ATRX: variants seen among roughly 807,000 people sequenced by gnomAD.
The protein encoded by ATRX is chromatin remodeler ATRX.
In ATRX, 12 loss-of-function variants were observed where a neutral mutation model predicts 172.6. The observed-to-expected ratio is 0.07, with a 90% confidence interval of 0.04 to 0.11. The LOEUF is 0.11. Among genes scored for constraint, ATRX ranks in the 10% least tolerant of loss-of-function variants. The pLI is 1.00. For synonymous variants in ATRX, 674 were observed against 594.7 expected, an observed-to-expected ratio of 1.13 and a Z score of -1.94; for missense variants, 1,368 against 1,767.4, an observed-to-expected ratio of 0.77 and a Z score of 4.05.
At chrX:77,658,881 T>C (rs1158150442) in intron 12 of ATRX, among the ~76,000 whole-genome samples, 3 of 111,967 alleles carry the variant, frequency 2.7e-5, no homozygotes, top group South Asian at 7.3e-4. Flanking sequence ...GCACTATTTG[T>C]GTAACATTTC....
At chrX:77,647,977 T>G (rs1603059336) in intron 15 of ATRX, among the ~76,000 whole-genome samples, 1 of 111,967 alleles carries the variant, frequency 8.9e-6, no homozygotes, top group East Asian at 2.8e-4. Context: ...AAGATGATGA[T>G]GTCGTTACCA....
At position 77,733,886 on chromosome X, in the gene ATRX, AAAAATAAAT is replaced by A. The variant is rs782678916; in HGVS notation, c.21-16652_21-16644del. On this transcript the variant is annotated intron_variant, in intron 1 of 34. Transcript: ENST00000373344. ...GCAACACAGTGAGACTCACTCTCAGAAAAATAAATAAAATAAATAAAATAAAAGGTGCTG... is the reference window on the plus strand; with the variant it reads ...GCAACACAGTGAGACTCACTCTCAGAAAAATAAATAAAATAAAAGGTGCTG... Among the ~76,000 whole-genome samples the A allele has an allele frequency of 1.8e-3, 187 of 105,270 alleles. 1 individual carries two copies. The highest frequency in any genetic ancestry group is 2.4e-3 in the Non-Finnish European group (123 of 51,414). 91.4% of individuals were successfully genotyped at this position (105,270 alleles called of 115,157 possible).
At chrX:77,616,445 C>T in intron 22 of ATRX, 168 bp downstream of exon 22, 1 of 1,138,362 alleles carries the variant, frequency 8.8e-7, no homozygotes. Flanking sequence ...TTAATTTTGA[C>T]AGCATCAGTG....
chrX:77,641,846 G>A (rs113304042), intron 15 of ATRX, among the ~76,000 whole-genome samples: 5 of 110,671 alleles, frequency 4.5e-5, no homozygotes, highest in Non-Finnish European at 9.5e-5. Context: ...TAATATATAA[G>A]TCCCAAAGAA....
At chrX:77,578,193 C>T (rs1415526070) in intron 27 of ATRX, among the ~76,000 whole-genome samples, 1 of 111,633 alleles carries the variant, frequency 9.0e-6, no homozygotes, top group Admixed American at 9.5e-5. Flanking sequence ...CTAAAGTGCA[C>T]TGGGGCCCTA....
chrX:77,720,224 G>A (rs1557168085), intron 1 of ATRX, among the ~76,000 whole-genome samples: 2 of 111,896 alleles, frequency 1.8e-5, no homozygotes, highest in African/African-American at 6.5e-5. Context: ...ACAAGAGAAA[G>A]CAGGAAATAT....
At chrX:77,678,740 T>C (rs1472118483) in intron 9 of ATRX, among the ~76,000 whole-genome samples, 1 of 110,860 alleles carries the variant, frequency 9.0e-6, no homozygotes, top group African/African-American at 3.3e-5. Flanking sequence ...CCACCCACCT[T>C]GGCCTCCCAA....
chrX:77,510,979 G>C (rs1483930659), intron 34 of ATRX, among the ~76,000 whole-genome samples: 1 of 112,754 alleles, frequency 8.9e-6, no homozygotes, highest in African/African-American at 3.2e-5. Context: ...TGTGGATCTT[G>C]GGTGAGACCC....
Position 77,539,261 on chromosome X carries a change from T to C in ATRX, c.6700-15860A>G, listed in dbSNP as rs782715768. Among the ~76,000 whole-genome samples, 4 of 111,291 alleles carry C rather than the reference T, an allele frequency of 3.6e-5. No homozygotes were observed. In the East Asian group the frequency reaches 8.4e-4, roughly 23 times the overall value. On this transcript the variant is annotated intron_variant, in intron 30 of 34. Coordinates refer to ENST00000373344, the MANE Select transcript of ATRX (RefSeq NM_000489.6). Reference sequence around the variant, plus strand: ...TAATATCATCTATAGCTCAGAGCTATTGTAAGGAGTAAATGAGACAATGTA... The same window carrying C: ...TAATATCATCTATAGCTCAGAGCTACTGTAAGGAGTAAATGAGACAATGTA...
intron 1 of ATRX, among the ~76,000 whole-genome samples, chrX:77,755,361 A>G (rs1039521203): frequency 1.8e-5 from 2 of 111,911 alleles, no homozygotes; most frequent in African/African-American, 6.5e-5. Context: ...TTCTCCGTCC[A>G]GTTTTGCGGC....
In ATRX at chrX:77,696,494, C is replaced by A. The variant is rs2072192974; in HGVS notation, c.370+83G>T. 4.8e-6 allele frequency: 5 copies of A among 1,033,353 alleles called. No individual in the cohort carries two copies. In the Middle Eastern group the frequency reaches 1.1e-3, roughly 223 times the overall value. The allele number at this position is 1,033,353 out of a possible 1,213,427, so 85.2% of individuals were successfully genotyped here. ...TGTTTGGTCGTTTGTACATAGTTAA[C>A]AGTAATCAAGTTCCAATTTTATAAA... On this transcript the variant is annotated intron_variant, in intron 5 of 34. Transcript: ENST00000373344.
Position 77,774,009 on chromosome X carries a change from G to A in ATRX, c.20+11973C>T, listed in dbSNP as rs192639815. 2.7e-4 allele frequency among the ~76,000 whole-genome samples: 30 copies of A among 109,786 alleles called. No homozygotes were observed. The East Asian group carries it at 7.3e-3, about 27-fold the overall frequency. ...AGTCCGAGGCGGGCAGACCACCTGA[G>A]GTCAGGAGTTCAAGACCAGCCTGAC... On this transcript the variant is annotated intron_variant, in intron 1 of 34. Coordinates refer to ENST00000373344, the MANE Select transcript of ATRX (RefSeq NM_000489.6).
chrX:77,538,464 C>T, intron 30 of ATRX, among the ~76,000 whole-genome samples: 1 of 110,435 alleles, frequency 9.1e-6, no homozygotes, highest in Admixed American at 9.7e-5. Flanking sequence ...CTAGAGACTC[C>T]AAAAGGTGGG....
chrX:77,596,390 T>C (rs1247448296), intron 25 of ATRX: 1 of 109,397 alleles, frequency 9.1e-6, no homozygotes, highest in Non-Finnish European at 1.9e-5. Flanking sequence ...TGTCCATACA[T>C]TATGATATAC....
At chrX:77,661,465 T>C (rs1378357195) in intron 12 of ATRX, among the ~76,000 whole-genome samples, 2 of 67,464 alleles carry the variant, frequency 3.0e-5, no homozygotes, top group Non-Finnish European at 7.7e-5. Flanking sequence ...AATACAGTAA[T>C]TGAAAAAAAA....
intron 30 of ATRX, among the ~76,000 whole-genome samples, chrX:77,534,396 T>G (rs1557047668): frequency 8.9e-6 from 1 of 112,043 alleles, no homozygotes; most frequent in Non-Finnish European, 1.9e-5. Context: ...GAAAAAACAG[T>G]TTTGCAAAGT....
intron 30 of ATRX, among the ~76,000 whole-genome samples, chrX:77,539,872 G>A (rs1052831399): frequency 1.8e-5 from 2 of 112,013 alleles, no homozygotes; most frequent in Non-Finnish European, 3.8e-5. Flanking sequence ...ATGCCAAATT[G>A]TAAAGACCAT....
At chrX:77,594,698 T>C (rs1237884512) in intron 25 of ATRX, 1 of 112,109 alleles carries the variant, frequency 8.9e-6, no homozygotes, top group African/African-American at 3.2e-5. Context: ...TATATGATCC[T>C]ACATGATCCC....
At chrX:77,688,766 T>C (rs2071722172) in intron 7 of ATRX, 52 bp downstream of exon 7, 1 of 1,016,355 alleles carries the variant, frequency 9.8e-7, no homozygotes, top group Non-Finnish European at 1.4e-6. Context: ...GCCTGGTATA[T>C]GGTAAGCATT....
Sources: allele counts gnomAD v4.1 joint callset (sites outside exome capture counted in the v4.1 genomes callset), GRCh38; gene constraint gnomAD v4.1.1; transcripts MANE v1.5; gene names NCBI Gene and HGNC (gene_info 2026-07-23, HGNC 2026-07-21).